The following KCNU1 variants were observed in gnomAD, a reference collection of about 807,000 sequenced individuals.
KCNU1 encodes the protein potassium calcium-activated channel subfamily U member 1.
Under a neutral mutation model 126.8 loss-of-function variants are expected in KCNU1, and 93 were observed. The observed-to-expected ratio is 0.73, with a 90% CI of 0.62 to 0.87. KCNU1 has a LOEUF of 0.87. KCNU1 is among the 40% of genes least tolerant of loss of function. The probability of loss-of-function intolerance (pLI) is 0.00; values close to 1 mark genes in which losing one functional copy is unlikely to be tolerated. For missense variants in KCNU1, 1,330 were observed against 1,367.1 expected, an observed-to-expected ratio of 0.97 and a Z score of 0.43; for synonymous variants, 523 against 494.2, an observed-to-expected ratio of 1.06 and a Z score of -0.77.
intron 19 of KCNU1, among the ~76,000 whole-genome samples, chr8:36,872,814 T>C (rs1432076584): frequency 6.6e-6 from 1 of 152,164 alleles, no homozygotes; most frequent in Non-Finnish European, 1.5e-5. Context: ...TAGAGATGAA[T>C]GTTATTTCAA....
intron 19 of KCNU1, among the ~76,000 whole-genome samples, chr8:36,900,529 A>G (rs1454087142): frequency 6.6e-6 from 1 of 152,040 alleles, no homozygotes; most frequent in Admixed American, 6.6e-5. Flanking sequence ...ATCAGGTGGG[A>G]AGCACTGATT....
At position 36,900,510 on chromosome 8, in the gene KCNU1, G is replaced by A. The variant is rs561980510; in HGVS notation, c.2010-5198G>A. Among the ~76,000 whole-genome samples, 4 of 152,232 alleles carry A rather than the reference G, an allele frequency of 2.6e-5. No homozygotes were observed. The South Asian group carries it at 8.3e-4, about 32-fold the overall frequency. ...TGTGTATAGGTGTGGGAGGGGGTATGTGAGTAGGATCAGGTGGGAAGCACT... is the reference window on the plus strand; with the variant it reads ...TGTGTATAGGTGTGGGAGGGGGTATATGAGTAGGATCAGGTGGGAAGCACT... On this transcript the variant is annotated intron_variant, in intron 19 of 26. Coordinates refer to ENST00000399881, the MANE Select transcript of KCNU1 (RefSeq NM_001031836.3).
intron 2 of KCNU1, among the ~76,000 whole-genome samples, chr8:36,802,108 CAAAAAAAAA>C (rs749026223): frequency 9.7e-5 from 7 of 72,354 alleles, no homozygotes; most frequent in East Asian, 5.4e-4. Flanking sequence ...AACTCCGTCT[CAAAAAAAAA>C]AAAAAAAAAA....
intron 15 of KCNU1, 127 bp downstream of exon 15, chr8:36,840,702 C>A (rs1440201415): frequency 8.6e-6 from 6 of 699,214 alleles, no homozygotes; most frequent in Non-Finnish European, 1.5e-5. Flanking sequence ...AGCCCAGGGT[C>A]CCTGAAACTT....
At chr8:36,804,121 A>G (rs746481379) in intron 3 of KCNU1, 33 bp downstream of exon 3, 15 of 1,389,560 alleles carry the variant, frequency 1.1e-5, no homozygotes, top group South Asian at 2.5e-5. Flanking sequence ...CTTGTCTGCT[A>G]TATCAGTACA....
At chr8:36,884,944 A>T (rs1806636652) in intron 19 of KCNU1, among the ~76,000 whole-genome samples, 1 of 152,188 alleles carries the variant, frequency 6.6e-6, no homozygotes, top group African/African-American at 2.4e-5. Context: ...AACAAACTGA[A>T]AATTGGAGAC....
At chr8:36,886,492 G>GA (rs1172094477) in intron 19 of KCNU1, among the ~76,000 whole-genome samples, 2 of 152,206 alleles carry the variant, frequency 1.3e-5, no homozygotes, top group Non-Finnish European at 2.9e-5. Flanking sequence ...TGTGCCTCCA[G>GA]AAAAAAACAG....
intron 19 of KCNU1, among the ~76,000 whole-genome samples, chr8:36,901,050 C>T (rs555939406): frequency 2.0e-4 from 31 of 151,308 alleles, no homozygotes; most frequent in Admixed American, 5.3e-4. Flanking sequence ...CTAACACAGC[C>T]GAAAGTGAGG....
chr8:36,903,179 A>AG (rs1807486751), intron 19 of KCNU1, among the ~76,000 whole-genome samples: 2 of 152,044 alleles, frequency 1.3e-5, no homozygotes, highest in Admixed American at 6.6e-5. Context: ...TGACACTTCA[A>AG]TCTAAGTTGG....
At chr8:36,833,984 C>A (rs1352261146) in intron 11 of KCNU1, among the ~76,000 whole-genome samples, 3 of 152,144 alleles carry the variant, frequency 2.0e-5, no homozygotes, top group African/African-American at 2.4e-5. Context: ...TTTGATCTTA[C>A]CACACAAATA....
intron 10 of KCNU1, among the ~76,000 whole-genome samples, chr8:36,827,506 TTC>T (rs1268250194): frequency 1.3e-5 from 2 of 152,182 alleles, no homozygotes; most frequent in Non-Finnish European, 2.9e-5. Flanking sequence ...AGTTATTGAT[TTC>T]TCTCAGGTTT....
chr8:36,808,923 C>T, intron 7 of KCNU1, 130 bp downstream of exon 7: 1 of 630,318 alleles, frequency 1.6e-6, no homozygotes. Context: ...CTTTCTACTT[C>T]CCATTTTCAG....
At chr8:36,874,114 T>G (rs571551369) in intron 19 of KCNU1, among the ~76,000 whole-genome samples, 2 of 152,232 alleles carry the variant, frequency 1.3e-5, no homozygotes, top group African/African-American at 4.8e-5. Flanking sequence ...GGAACAGATA[T>G]TTTACTTATT....
At chr8:36,810,663 A>T (rs1803678232) in intron 7 of KCNU1, among the ~76,000 whole-genome samples, 1 of 152,216 alleles carries the variant, frequency 6.6e-6, no homozygotes. Flanking sequence ...CAGCTAAATG[A>T]TGATATCATT....
chr8:36,824,681 T>G (rs1219813259), intron 10 of KCNU1, among the ~76,000 whole-genome samples: 2 of 152,198 alleles, frequency 1.3e-5, no homozygotes, highest in Non-Finnish European at 2.9e-5. Flanking sequence ...TATTATTTTT[T>G]GTCTTATCTT....
At chr8:36,915,667 C>T (rs1808069781) in intron 22 of KCNU1, among the ~76,000 whole-genome samples, 1 of 152,210 alleles carries the variant, frequency 6.6e-6, no homozygotes, top group Admixed American at 6.5e-5. Flanking sequence ...TATTTCCCAC[C>T]ATGGGTTCTT....
chr8:36,927,735 C>A (rs190081403), intron 24 of KCNU1, among the ~76,000 whole-genome samples: 1 of 152,128 alleles, frequency 6.6e-6, no homozygotes, highest in African/African-American at 2.4e-5. Flanking sequence ...ACAACATTCA[C>A]GGTAGCTGAA....
intron 9 of KCNU1, among the ~76,000 whole-genome samples, chr8:36,817,376 T>G (rs11996665): frequency 0.74 from 112,367 of 151,618 alleles, 42,828 homozygotes; most frequent in East Asian, 0.95. Flanking sequence ...GCGCATGCCT[T>G]TAATCCCAGC....
At chr8:36,911,727 T>C (rs1034181738) in intron 22 of KCNU1, among the ~76,000 whole-genome samples, 1 of 152,190 alleles carries the variant, frequency 6.6e-6, no homozygotes, top group Non-Finnish European at 1.5e-5. Context: ...TCTTTTCCCT[T>C]TGTGTTTCTC....
Sources: gnomAD v4.1 joint callset for allele counts (sites outside exome capture counted in the v4.1 genomes callset) on GRCh38, gnomAD v4.1.1 for gene constraint, MANE v1.5 for transcripts, NCBI Gene and HGNC (gene_info 2026-07-23, HGNC 2026-07-21) for gene names.